The following UNC13C variants were observed in gnomAD, a reference collection of about 807,000 sequenced individuals.
The protein encoded by UNC13C is unc-13 homolog C.
A neutral mutation model predicts 245.4 loss-of-function variants in UNC13C; 174 were observed. That is an observed-to-expected ratio of 0.71 (90% CI 0.63 to 0.80). The LOEUF (loss-of-function observed/expected upper bound fraction) is 0.80. UNC13C is among the 30% of genes least tolerant of loss of function. UNC13C has a pLI of 0.00. For synonymous variants in UNC13C, 992 were observed against 895.1 expected, an observed-to-expected ratio of 1.11 and a Z score of -1.93; for missense variants, 2,829 against 2,602.9, an observed-to-expected ratio of 1.09 and a Z score of -1.89.
chr15:54,282,324 G>A lies in UNC13C; in HGVS notation c.3819-11571G>A, dbSNP rs1001916975. On this transcript the variant is annotated intron_variant, in intron 10 of 32. Transcript: ENST00000260323. ...ATATGTATATATGTGTAATTATGAT[G>A]TGGGATATTTCTCAGCCCCTTCGCC... Among the ~76,000 whole-genome samples, 9 of 152,272 alleles carry A rather than the reference G, an allele frequency of 5.9e-5. No homozygotes were observed. The East Asian group carries it at 1.4e-3, about 23-fold the overall frequency.
At chr15:54,372,433 G>A (rs987908656) in intron 17 of UNC13C, among the ~76,000 whole-genome samples, 2 of 151,996 alleles carry the variant, frequency 1.3e-5, no homozygotes, top group African/African-American at 4.8e-5. Context: ...AATAAGATAA[G>A]CACCTTAATA....
rs1309844088 is a variant in UNC13C at position 54,485,716 on chromosome 15, T to TC, written c.4934-8888dup. 2.2e-4 allele frequency among the ~76,000 whole-genome samples: 34 copies of TC among 152,148 alleles called. 1 individual carries two copies. The highest frequency in any genetic ancestry group is 2.2e-3 in the Admixed American group (33 of 15,274). On this transcript the variant is annotated intron_variant, in intron 19 of 32. Coordinates refer to ENST00000260323, the MANE Select transcript of UNC13C (RefSeq NM_001080534.3). ...TCTCTCTGAACCCAGATCTCAACAC[T>TC]CCCCTGAACTCACTTTGCTTCAGTC...
intron 13 of UNC13C, among the ~76,000 whole-genome samples, chr15:54,309,184 T>C: frequency 6.6e-6 from 1 of 151,886 alleles, no homozygotes; most frequent in East Asian, 1.9e-4. Flanking sequence ...TTACCTTTTT[T>C]GGTAATAGCC....
At chr15:54,249,148 G>T (rs1406634853) in intron 7 of UNC13C, among the ~76,000 whole-genome samples, 6 of 152,054 alleles carry the variant, frequency 3.9e-5, no homozygotes, top group Admixed American at 3.9e-4. Context: ...GAAGTCACCT[G>T]CTTTGTGGGA....
At chr15:53,987,874 A>G (rs1438666083) in intron 1 of UNC13C, among the ~76,000 whole-genome samples, 2 of 151,994 alleles carry the variant, frequency 1.3e-5, no homozygotes, top group Non-Finnish European at 2.9e-5. Flanking sequence ...TTTTGCCCTA[A>G]TTAAACTATC....
intron 19 of UNC13C, among the ~76,000 whole-genome samples, chr15:54,469,641 C>G (rs1427780557): frequency 2.0e-5 from 3 of 151,566 alleles, no homozygotes; most frequent in Non-Finnish European, 4.4e-5. Flanking sequence ...CACATCACTT[C>G]ATTTATGTGG....
intron 19 of UNC13C, among the ~76,000 whole-genome samples, chr15:54,463,052 C>T (rs946134528): frequency 2.6e-5 from 4 of 151,654 alleles, no homozygotes; most frequent in Non-Finnish European, 5.9e-5. Context: ...TTTGTAAATG[C>T]ACCAATCAGT....
intron 17 of UNC13C, among the ~76,000 whole-genome samples, chr15:54,354,134 T>C (rs1485440100): frequency 6.6e-6 from 1 of 152,134 alleles, no homozygotes; most frequent in African/African-American, 2.4e-5. Context: ...TATTGAGTCT[T>C]GGACAAGTTA....
rs749927800 is a variant in UNC13C at position 54,013,062 on chromosome 15, C to G, written c.159C>G (p.Pro53=). 6.2e-7 allele frequency: 1 copy of G among 1,613,824 alleles called. No homozygotes were observed. Among genetic ancestry groups the G allele is most frequent in the East Asian group, 2.2e-5 (1 of 44,880 alleles). ...CCACTGCTGGCCAGACCAAATCCCC[C>G]AAATTTTCTTACACTTTTAAAAGCA... The part of the protein sequence containing the change: ...DFPTAGQTKS[P]KFSYTFKSTV... Residue 53 remains proline (P), a synonymous_variant, in exon 2 of 33, where the codon CCC becomes CCG. Transcript: ENST00000260323.
chr15:54,440,183 C>T (rs1050949405), intron 19 of UNC13C, among the ~76,000 whole-genome samples: 1 of 152,006 alleles, frequency 6.6e-6, no homozygotes, highest in African/African-American at 2.4e-5. Context: ...CTCTCTCCTC[C>T]TGTCATGTGA....
chr15:54,015,955 A>G (rs958151777), intron 2 of UNC13C, 69 bp downstream of exon 2: 123 of 1,303,148 alleles, frequency 9.4e-5, no homozygotes, highest in East Asian at 1.5e-4. Flanking sequence ...TCTTTAGAGC[A>G]TGCTCTGTGT....
At chr15:53,878,036 T>C in the UNC13C span, among the ~76,000 whole-genome samples, 2 of 152,232 alleles carry the variant, frequency 1.3e-5, no homozygotes, top group African/African-American at 4.8e-5. Context: ...TTGCTTAGTA[T>C]TGAATATGGT....
At chr15:54,619,962 A>G (rs926314857) in intron 30 of UNC13C, among the ~76,000 whole-genome samples, 2 of 152,194 alleles carry the variant, frequency 1.3e-5, no homozygotes, top group South Asian at 2.1e-4. Flanking sequence ...CTATTAAGCA[A>G]TAACAGCAAT....
chr15:54,022,155 T>C (rs1028335079), intron 2 of UNC13C, among the ~76,000 whole-genome samples: 1 of 152,192 alleles, frequency 6.6e-6, no homozygotes, highest in Non-Finnish European at 1.5e-5. Context: ...TGAAGGAACC[T>C]CCATAGTATT....
At chr15:54,199,076 A>C (rs1446581024) in intron 4 of UNC13C, among the ~76,000 whole-genome samples, 1 of 151,974 alleles carries the variant, frequency 6.6e-6, no homozygotes, top group Non-Finnish European at 1.5e-5. Flanking sequence ...AGAATCAAAC[A>C]AGCAGAAGAA....
intron 30 of UNC13C, among the ~76,000 whole-genome samples, chr15:54,617,036 C>A (rs568322548): frequency 3.9e-5 from 6 of 152,142 alleles, no homozygotes; most frequent in Admixed American, 2.0e-4. Flanking sequence ...ATAAACTATA[C>A]CCTACCACTT....
intron 19 of UNC13C, among the ~76,000 whole-genome samples, chr15:54,432,550 A>G (rs1212319754): frequency 6.6e-6 from 1 of 152,028 alleles, no homozygotes; most frequent in African/African-American, 2.4e-5. Flanking sequence ...TTTGAAACCA[A>G]TGAGAACAAA....
intron 2 of UNC13C, among the ~76,000 whole-genome samples, chr15:54,024,791 T>TGTA (rs1896039114): frequency 6.6e-6 from 1 of 152,072 alleles, no homozygotes; most frequent in African/African-American, 2.4e-5. Context: ...CCCGGGCGCC[T>TGTA]GTAGACCCAG....
chr15:54,609,682 T>A (rs1295987937), intron 30 of UNC13C, among the ~76,000 whole-genome samples: 1 of 152,232 alleles, frequency 6.6e-6, no homozygotes, highest in African/African-American at 2.4e-5. Flanking sequence ...CAATCATACA[T>A]GTACAAATAC....
Sources: allele counts gnomAD v4.1 joint callset (sites outside exome capture counted in the v4.1 genomes callset), GRCh38; gene constraint gnomAD v4.1.1; transcripts MANE v1.5; gene names NCBI Gene and HGNC (gene_info 2026-07-23, HGNC 2026-07-21).